Variants in KRTAP13-2 observed in about 807,000 individuals in gnomAD.
KRTAP13-2 encodes the protein keratin associated protein 13-2, also known as keratin-associated protein 13-2.
For synonymous variants in KRTAP13-2, 92 were observed against 87.4 expected (o/e 1.05, Z -0.30); for missense variants, 231 against 212.4 (o/e 1.09, Z -0.55).
rs1039571242 is a variant in KRTAP13-2, at chr21:30,371,463, C to T, written c.*223G>A. On this transcript the variant is annotated 3_prime_UTR_variant, in exon 1 of 1. Transcript: ENST00000399889. ...CCATATACTTTATAAGATGAACTTA[C>T]GTGATAACGAATCACTTGTTTCAAA... 9.1e-5 allele frequency: 48 copies of T among 529,522 alleles called. 1 individual carries two copies. The highest frequency in any genetic ancestry group is 6.5e-4 in the East Asian group (21 of 32,170). The allele number at this position is 529,522 out of a possible 1,614,324, so 32.8% of individuals were successfully genotyped here.
rs755160555 is a variant in KRTAP13-2, at chr21:30,372,232, T to C, written c.-19A>G. On this transcript the variant is annotated 5_prime_UTR_variant, in exon 1 of 1. Transcript: ENST00000399889. Reference sequence around the variant, plus strand: ...AGGACATGTTGACGGGAGATGTGAGTTCAGCTGAGTTATAGTGGAAAGATT... The same window carrying C: ...AGGACATGTTGACGGGAGATGTGAGCTCAGCTGAGTTATAGTGGAAAGATT... 2 of 1,599,070 alleles carry C rather than the reference T, an allele frequency of 1.3e-6. No homozygotes were observed. The highest frequency in any genetic ancestry group is 4.5e-5 in the East Asian group (2 of 44,720).
In KRTAP13-2 at chr21:30,372,247, G is replaced by A. The variant is rs1234595414; in HGVS notation, c.-34C>T. 6.3e-6 allele frequency: 10 copies of A among 1,583,524 alleles called. No homozygotes were observed. Among genetic ancestry groups the A allele is most frequent in the Non-Finnish European group, 8.6e-6 (10 of 1,162,920 alleles). On this transcript the variant is annotated 5_prime_UTR_variant, in exon 1 of 1. Coordinates refer to ENST00000399889, the MANE Select transcript of KRTAP13-2 (RefSeq NM_181621.4). ...GAGATGTGAGTTCAGCTGAGTTATA[G>A]TGGAAAGATTCTCTGAGTTTGAATG...
rs143847787 is a variant in KRTAP13-2, at chr21:30,371,419, G to C, written c.*267C>G. 2.8e-6 allele frequency: 1 copy of C among 363,306 alleles called. No homozygotes were observed. The highest frequency in any genetic ancestry group is 4.3e-5 in the Admixed American group (1 of 23,078). 22.5% of individuals were successfully genotyped at this position (363,306 alleles called of 1,614,324 possible). ...AATCAACAGTAAATGAATTTATTAC[G>C]TGAAACAAAACTGAACTTCCATATA... is the stretch of plus-strand genomic sequence containing the variant. On this transcript the variant is annotated 3_prime_UTR_variant, in exon 1 of 1. Transcript: ENST00000399889.
At position 30,371,651 on chromosome 21, in the gene KRTAP13-2, G is replaced by C; in HGVS notation, c.*35C>G. 2 of 1,592,556 alleles carry C rather than the reference G, an allele frequency of 1.3e-6. No homozygotes were observed. On this transcript the variant is annotated 3_prime_UTR_variant, in exon 1 of 1. Transcript: ENST00000399889. The stretch of plus-strand genomic sequence containing the variant: ...ATGCCTATGATAACAGCTCTACGTA[G>C]AGACTGAGACACTTTGCTTAAAAGG...
At chr21:30,371,688 AGCAAG>A in the KRTAP13-2 span, 3 of 1,612,048 alleles carry the variant, frequency 1.9e-6, no homozygotes, top group Non-Finnish European at 1.7e-6. Context: ...CTGGAAATTC[AGCAAG>A]TTGATCTGCA....
chr21:30,371,809 A>G lies in KRTAP13-2; in HGVS notation c.405T>C (p.Cys135=), dbSNP rs877346. Residue 135 remains cysteine (C), a synonymous_variant, in exon 1 of 1, where the codon TGT becomes TGC. Coordinates refer to ENST00000399889, the MANE Select transcript of KRTAP13-2 (RefSeq NM_181621.4). Reference sequence around the variant, plus strand: ...ATCCATAGCCGAGGGAAGGGAAGCCACAGCTTCCATAACCCAGGGATCTGA... The same window carrying G: ...ATCCATAGCCGAGGGAAGGGAAGCCGCAGCTTCCATAACCCAGGGATCTGA... ...SGVRSLGYGS[C]GFPSLGYGSG... 2 of 1,613,870 alleles carry G rather than the reference A, an allele frequency of 1.2e-6. No individual in the cohort carries two copies. Among genetic ancestry groups the G allele is most frequent in the East Asian group, 4.5e-5 (2 of 44,846 alleles).
Position 30,372,027 on chromosome 21 carries a change from G to A in KRTAP13-2, c.187C>T (p.Pro63Ser). The A allele has an allele frequency of 6.2e-7, 1 of 1,614,034 alleles. No homozygotes were observed. The highest frequency in any genetic ancestry group is 8.5e-7 in the Non-Finnish European group (1 of 1,179,930). ...ACATAGGACGTCTGGCAGCTGGTGG[G>A]CTCCCAGCAGATCTCCTGACAGCCC... The part of the protein sequence containing the change: ...YRGCQEICWE[P>S]TSCQTSYVES... The change falls in exon 1 of 1, where the codon CCC (proline) becomes TCC (serine). Residue 63 changes from proline to serine, a missense_variant. By Grantham distance (74) the Pro-to-Ser change is moderately conservative (BLOSUM62 -1). Coordinates refer to ENST00000399889, the MANE Select transcript of KRTAP13-2 (RefSeq NM_181621.4).
In KRTAP13-2 at chr21:30,371,648, G is replaced by A. The variant is rs377417399; in HGVS notation, c.*38C>T. The A allele has an allele frequency of 2.8e-5, 44 of 1,588,162 alleles. No homozygotes were observed. The highest frequency in any genetic ancestry group is 1.0e-4 in the South Asian group (9 of 86,938). Reference sequence around the variant, plus strand: ...GAAATGCCTATGATAACAGCTCTACGTAGAGACTGAGACACTTTGCTTAAA... The same window carrying A: ...GAAATGCCTATGATAACAGCTCTACATAGAGACTGAGACACTTTGCTTAAA... On this transcript the variant is annotated 3_prime_UTR_variant, in exon 1 of 1. Coordinates refer to ENST00000399889, the MANE Select transcript of KRTAP13-2 (RefSeq NM_181621.4).
chr21:30,372,152 T>A lies in KRTAP13-2; in HGVS notation c.62A>T (p.Tyr21Phe). The change falls in exon 1 of 1, where the codon TAC becomes TTC. Residue 21 changes from tyrosine to phenylalanine, a missense_variant. Tyr to Phe is a conservative substitution (Grantham distance 22, BLOSUM62 3). Coordinates refer to ENST00000399889, the MANE Select transcript of KRTAP13-2 (RefSeq NM_181621.4). Reference sequence around the variant, plus strand: ...GGAAAAGCCACGTGAGGATGCTGGGTAGCGCAGGTAGTCACCACAGGAGCG... The same window carrying A: ...GGAAAAGCCACGTGAGGATGCTGGGAAGCGCAGGTAGTCACCACAGGAGCG... ...SSRSCGDYLRYPASSRGFSYP... is the reference protein window; with the variant it reads ...SSRSCGDYLRFPASSRGFSYP... 1.2e-6 allele frequency: 2 copies of A among 1,614,052 alleles called. No homozygotes were observed. The highest frequency in any genetic ancestry group is 1.7e-6 in the Non-Finnish European group (2 of 1,179,998).
At position 30,371,760 on chromosome 21, in the gene KRTAP13-2, A is replaced by T. The variant is rs776737776; in HGVS notation, c.454T>A (p.Leu152Met). 2 of 1,614,036 alleles carry T rather than the reference A, an allele frequency of 1.2e-6. No homozygotes were observed. The highest frequency in any genetic ancestry group is 1.7e-6 in the Non-Finnish European group (2 of 1,180,034). ...GGAGACTGGCAGCTCCTAGAAGCCA[A>T]GTAGGTTGGGCGGCAGAATCCAGAT... Reference protein sequence around the residue: ...YGSGFCRPTYLASRSCQSPCY... With the variant: ...YGSGFCRPTYMASRSCQSPCY... The change falls in exon 1 of 1, where the codon TTG becomes ATG. Residue 152 changes from leucine (L) to methionine (M), a missense_variant. Coordinates refer to ENST00000399889, the MANE Select transcript of KRTAP13-2 (RefSeq NM_181621.4).
rs1290264488 is a variant in KRTAP13-2, at chr21:30,372,093, A to G, written c.121T>C (p.Cys41Arg). The part of the protein sequence containing the change: ...PSNLVYSTDL[C>R]SPSTCQLGSS... ...CCCAGCTGGCAGGTGCTGGGAGAGC[A>G]GAGGTCAGTGCTGTAGACCAGATTG... Residue 41 changes from cysteine to arginine, a missense_variant, in exon 1 of 1, where the codon TGC becomes CGC. Coordinates refer to ENST00000399889, the MANE Select transcript of KRTAP13-2 (RefSeq NM_181621.4). 3.7e-6 allele frequency: 6 copies of G among 1,614,096 alleles called. No homozygotes were observed. In the Admixed American group the frequency reaches 1.0e-4, roughly 27 times the overall value.
At position 30,371,678 on chromosome 21, in the gene KRTAP13-2, C is replaced by T; in HGVS notation, c.*8G>A. 6.2e-7 allele frequency: 1 copy of T among 1,610,772 alleles called. No individual in the cohort carries two copies. The highest frequency in any genetic ancestry group is 2.2e-5 in the East Asian group (1 of 44,862). ...GACTGAGACACTTTGCTTAAAAGGT[C>T]TGGAAATTCAGCAAGTTGATCTGCA... On this transcript the variant is annotated 3_prime_UTR_variant, in exon 1 of 1. Transcript: ENST00000399889.
At chr21:30,371,728 GT>G in the KRTAP13-2 span, 1 of 1,614,188 alleles carries the variant, frequency 6.2e-7, no homozygotes, top group Non-Finnish European at 8.5e-7. Flanking sequence ...AGGCTGGTCT[GT>G]AACAAGGAGA....
At position 30,371,577 on chromosome 21, in the gene KRTAP13-2, G is replaced by C. The variant is rs1243353728; in HGVS notation, c.*109C>G. 1 of 1,100,266 alleles carries C rather than the reference G, an allele frequency of 9.1e-7. No homozygotes were observed. The highest frequency in any genetic ancestry group is 1.3e-6 in the Non-Finnish European group (1 of 759,622). 68.2% of individuals were successfully genotyped at this position (1,100,266 alleles called of 1,614,324 possible). A position where few individuals can be genotyped will look rare whatever the true frequency, so the allele number is the denominator to read the frequency against. On this transcript the variant is annotated 3_prime_UTR_variant, in exon 1 of 1. Coordinates refer to ENST00000399889, the MANE Select transcript of KRTAP13-2 (RefSeq NM_181621.4). The stretch of plus-strand genomic sequence containing the variant: ...TGTCCAGCCAGTACTTGATGCCAGA[G>C]AAAGGATGAAGAGCTAGTAGTAAGA...
chr21:30,372,021 T>C lies in KRTAP13-2; in HGVS notation c.193A>G (p.Ser65Gly), dbSNP rs531367184. ...GCQEICWEPT[S>G]CQTSYVESSP... is the part of the protein sequence containing the mutation. ...GACTCCACATAGGACGTCTGGCAGCTGGTGGGCTCCCAGCAGATCTCCTGA... is the reference window on the plus strand; with the variant it reads ...GACTCCACATAGGACGTCTGGCAGCCGGTGGGCTCCCAGCAGATCTCCTGA... Residue 65 changes from serine (S) to glycine (G), a missense_variant, in exon 1 of 1, where the codon AGC (serine) becomes GGC (glycine). Physicochemically the swap from Ser to Gly is moderately conservative, Grantham distance 56. Transcript: ENST00000399889. 16 of 1,614,020 alleles carry C rather than the reference T, an allele frequency of 9.9e-6. No homozygotes were observed. The South Asian group carries it at 1.8e-4, about 18-fold the overall frequency.
chr21:30,371,806 G>A lies in KRTAP13-2; in HGVS notation c.408C>T (p.Gly136=). The change falls in exon 1 of 1, where the codon GGC becomes GGT. Residue 136 remains glycine, a synonymous_variant. Coordinates refer to ENST00000399889, the MANE Select transcript of KRTAP13-2 (RefSeq NM_181621.4). ...CAGATCCATAGCCGAGGGAAGGGAA[G>A]CCACAGCTTCCATAACCCAGGGATC... ...GVRSLGYGSC[G]FPSLGYGSGF... is the part of the protein sequence containing the mutation. The A allele has an allele frequency of 6.2e-7, 1 of 1,614,088 alleles. No individual in the cohort carries two copies. The highest frequency in any genetic ancestry group is 8.5e-7 in the Non-Finnish European group (1 of 1,179,960).
rs1185961247 is a variant in KRTAP13-2 at position 30,371,863 on chromosome 21, G to A, written c.351C>T (p.Cys117=). The A allele has an allele frequency of 6.2e-7, 1 of 1,614,158 alleles. No individual in the cohort carries two copies. Among genetic ancestry groups the A allele is most frequent in the Non-Finnish European group, 8.5e-7 (1 of 1,180,022 alleles). Residue 117 remains cysteine, a synonymous_variant, in exon 1 of 1, where the codon TGC becomes TGT. Transcript: ENST00000399889. Reference sequence around the variant, plus strand: ...CACTGGACCCACAGCCCACTGAGTAGCAGCTCCTCGATCCATAGCCCAGGG... The same window carrying A: ...CACTGGACCCACAGCCCACTGAGTAACAGCTCCTCGATCCATAGCCCAGGG... The part of the protein sequence containing the change: ...CRSLGYGSRS[C]YSVGCGSSGV...
Position 30,371,847 on chromosome 21 carries a change from C to G in KRTAP13-2, c.367G>C (p.Gly123Arg), listed in dbSNP as rs1249192782. The G allele has an allele frequency of 6.2e-7, 1 of 1,614,146 alleles. No homozygotes were observed. The highest frequency in any genetic ancestry group is 1.7e-5 in the Admixed American group (1 of 60,024). The change falls in exon 1 of 1, where the codon GGG becomes CGG. Residue 123 changes from glycine to arginine, a missense_variant. Coordinates refer to ENST00000399889, the MANE Select transcript of KRTAP13-2 (RefSeq NM_181621.4). ...CCCAGGGATCTGACACCACTGGACC[C>G]ACAGCCCACTGAGTAGCAGCTCCTC... The part of the protein sequence containing the change: ...GSRSCYSVGC[G>R]SSGVRSLGYG...
chr21:30,371,866 G>T lies in KRTAP13-2; in HGVS notation c.348C>A (p.Ser116Arg). The change falls in exon 1 of 1, where the codon AGC (serine) becomes AGA (arginine). Residue 116 changes from serine to arginine, a missense_variant. Ser to Arg is a moderately radical substitution (Grantham distance 110, BLOSUM62 -1). Transcript: ENST00000399889. ...TGGACCCACAGCCCACTGAGTAGCA[G>T]CTCCTCGATCCATAGCCCAGGGAGC... Reference protein sequence around the residue: ...SCRSLGYGSRSCYSVGCGSSG... With the variant: ...SCRSLGYGSRRCYSVGCGSSG... 1 of 1,614,190 alleles carries T rather than the reference G, an allele frequency of 6.2e-7. No homozygotes were observed. Among genetic ancestry groups the T allele is most frequent in the South Asian group, 1.1e-5 (1 of 91,082 alleles).
Sources: allele counts gnomAD v4.1 joint callset, GRCh38; gene constraint gnomAD v4.1.1; transcripts MANE v1.5; gene names NCBI Gene and HGNC (gene_info 2026-07-23, HGNC 2026-07-21).